ZNF786: variants seen among roughly 807,000 people sequenced by gnomAD.
The protein encoded by ZNF786 is zinc finger protein 786.
ZNF786 carries 56 observed loss-of-function variants against 63.1 expected under a neutral mutation model. That is an observed-to-expected ratio of 0.89 (90% CI 0.72 to 1.11). The LOEUF is 1.11. ZNF786 is among the 50% of genes least tolerant of loss of function. ZNF786 has a pLI of 0.00. For missense variants in ZNF786, 1,213 were observed against 1,041.8 expected, an observed-to-expected ratio of 1.16 and a Z score of -2.26; for synonymous variants, 485 against 406.9, an observed-to-expected ratio of 1.19 and a Z score of -2.31.
intron 1 of ZNF786, among the ~76,000 whole-genome samples, chr7:149,089,258 A>G (rs1002460866): frequency 1.3e-5 from 2 of 151,124 alleles, no homozygotes; most frequent in Non-Finnish European, 2.9e-5. Flanking sequence ...GGCCCTGTTG[A>G]TCATATATGT....
intron 1 of ZNF786, 64 bp from the exon 2 acceptor site, chr7:149,080,781 C>T: frequency 1.3e-6 from 2 of 1,523,838 alleles, no homozygotes; most frequent in Non-Finnish European, 1.8e-6. Context: ...AGCTCCTTCT[C>T]CTTGTTAATT....
intron 1 of ZNF786, among the ~76,000 whole-genome samples, chr7:149,083,092 T>A (rs569893589): frequency 6.6e-6 from 1 of 152,212 alleles, no homozygotes; most frequent in African/African-American, 2.4e-5. Flanking sequence ...GAGATGGGGT[T>A]TCACCATGTT....
rs1563137714 is a variant in ZNF786 at position 149,074,379 on chromosome 7, T to C, written c.298+7A>G. 1.9e-6 allele frequency: 3 copies of C among 1,613,572 alleles called. No homozygotes were observed. The highest frequency in any genetic ancestry group is 2.7e-5 in the African/African-American group (2 of 75,032). ...CAAGGTCGGGGCCCTGATTTCTTAA[T>C]ACTCACCCCAAAACAGCTGTTCCTC... On this transcript the variant is annotated splice_region_variant and intron_variant, in intron 3 of 3. Transcript: ENST00000491431.
rs746486496 is a variant in ZNF786 at position 149,080,579 on chromosome 7, A to G, written c.145+12T>C. 1.3e-5 allele frequency: 21 copies of G among 1,580,420 alleles called. No individual in the cohort carries two copies. The highest frequency in any genetic ancestry group is 1.8e-5 in the Non-Finnish European group (21 of 1,168,430). ...GTTCCATGACCTACCCACAAAGGTG[A>G]ACAGGTCTTACCTAGAGAGACGAGA... On this transcript the variant is annotated intron_variant, in intron 2 of 3. Transcript: ENST00000491431.
At chr7:149,072,623 T>C (rs1825452464) in intron 3 of ZNF786, 150 bp from the exon 4 acceptor site, 2 of 882,472 alleles carry the variant, frequency 2.3e-6, no homozygotes, top group South Asian at 3.7e-5. Flanking sequence ...ATCTGTCTCA[T>C]GGCCGTGAGT....
chr7:149,085,947 T>C (rs1352067161), intron 1 of ZNF786, among the ~76,000 whole-genome samples: 3 of 152,194 alleles, frequency 2.0e-5, no homozygotes, highest in East Asian at 3.9e-4. Context: ...TCTCAGACTT[T>C]GCTGAAGTTG....
chr7:149,086,922 T>C lies in ZNF786; in HGVS notation c.18+3701A>G, dbSNP rs1825748748. 2.6e-5 allele frequency among the ~76,000 whole-genome samples: 4 copies of C among 151,738 alleles called. No individual in the cohort carries two copies. The South Asian group carries it at 8.3e-4, about 32-fold the overall frequency. On this transcript the variant is annotated intron_variant, in intron 1 of 3. Coordinates refer to ENST00000491431, the MANE Select transcript of ZNF786 (RefSeq NM_152411.4). ...ATGCAGTGGCACGATCTCAGCTCAC[T>C]GCAGCCTCCACCTCCCAGGTTCAAG...
chr7:149,072,189 T>C lies in ZNF786; in HGVS notation c.583A>G (p.Ser195Gly). The change falls in exon 4 of 4, where the codon AGC becomes GGC. Residue 195 changes from serine (S) to glycine (G), a missense_variant. By Grantham distance (56) the Ser-to-Gly change is moderately conservative. Transcript: ENST00000491431. ...ACTAAATGGTTGTTCTCCCAACAGCTTTCCCCGCAGACAGGCCAAGGGTGC... is the reference window on the plus strand; with the variant it reads ...ACTAAATGGTTGTTCTCCCAACAGCCTTCCCCGCAGACAGGCCAAGGGTGC... ...TQHPWPVCGE[S>G]CWENNHLVMH... The C allele has an allele frequency of 1.2e-6, 2 of 1,613,482 alleles. No homozygotes were observed. Among genetic ancestry groups the C allele is most frequent in the South Asian group, 1.1e-5 (1 of 90,974 alleles).
rs1156382879 is a variant in ZNF786 at position 149,070,816 on chromosome 7, C to T, written c.1956G>A (p.Glu652=). The T allele has an allele frequency of 1.2e-6, 2 of 1,613,746 alleles. No homozygotes were observed. Among genetic ancestry groups the T allele is most frequent in the African/African-American group, 1.3e-5 (1 of 74,950 alleles). The change falls in exon 4 of 4, where the codon GAG becomes GAA. Residue 652 remains glutamate, a synonymous_variant. Transcript: ENST00000491431. ...AGTGTTTCACAAAGCCCTTGCCGCA[C>T]TCACAGGAGAAAGGCATCTCCCCGC... ...LHSGEMPFSC[E]CGKGFVKHSK... is the part of the protein sequence containing the mutation.
intron 2 of ZNF786, among the ~76,000 whole-genome samples, chr7:149,076,009 C>T (rs748998982): frequency 6.6e-6 from 1 of 151,894 alleles, no homozygotes; most frequent in Non-Finnish European, 1.5e-5. Context: ...GTTTAAGCCC[C>T]TGTATATCCC....
Position 149,071,050 on chromosome 7 carries a change from G to A in ZNF786, c.1722C>T (p.Phe574=), listed in dbSNP as rs1299553728. 1.2e-6 allele frequency: 2 copies of A among 1,611,828 alleles called. No individual in the cohort carries two copies. Among genetic ancestry groups the A allele is most frequent in the African/African-American group, 1.3e-5 (1 of 74,678 alleles). Reference sequence around the variant, plus strand: ...GCTCCGTGAGCTTGGATTGTCTGGTGAAGCCCTTGCCACACTCCCCGCACG... The same window carrying A: ...GCTCCGTGAGCTTGGATTGTCTGGTAAAGCCCTTGCCACACTCCCCGCACG... The part of the protein sequence containing the change: ...PFSCGECGKG[F]TRQSKLTEHL... Residue 574 remains phenylalanine (F), a synonymous_variant, in exon 4 of 4, where the codon TTC becomes TTT. Coordinates refer to ENST00000491431, the MANE Select transcript of ZNF786 (RefSeq NM_152411.4).
At position 149,071,931 on chromosome 7, in the gene ZNF786, G is replaced by A; in HGVS notation, c.841C>T (p.Leu281=). Reference sequence around the variant, plus strand: ...GGGAGGCGGTGGCTGGGATGGGTCAGCTCGTGTCGGAAGCACATTTCACCG... The same window carrying A: ...GGGAGGCGGTGGCTGGGATGGGTCAACTCGTGTCGGAAGCACATTTCACCG... ...ADGEMCFRHE[L]THPSHRLPQQ... Residue 281 remains leucine, a synonymous_variant, in exon 4 of 4, where the codon CTG becomes TTG. Transcript: ENST00000491431. The A allele has an allele frequency of 1.9e-6, 3 of 1,609,728 alleles. No individual in the cohort carries two copies. Among genetic ancestry groups the A allele is most frequent in the Non-Finnish European group, 2.5e-6 (3 of 1,179,144 alleles).
Position 149,070,296 on chromosome 7 carries a change from C to A in ZNF786, c.*127G>T. 8.2e-7 allele frequency: 1 copy of A among 1,212,842 alleles called. No homozygotes were observed. The highest frequency in any genetic ancestry group is 1.2e-6 in the Non-Finnish European group (1 of 865,954). 75.1% of individuals were successfully genotyped at this position (1,212,842 alleles called of 1,614,324 possible). On this transcript the variant is annotated 3_prime_UTR_variant, in exon 4 of 4. Coordinates refer to ENST00000491431, the MANE Select transcript of ZNF786 (RefSeq NM_152411.4). Reference sequence around the variant, plus strand: ...TGTGGTTCTTCATATTCCTAACTTGCATGACACTCTTGCTCAAAGAAGGAT... The same window carrying A: ...TGTGGTTCTTCATATTCCTAACTTGAATGACACTCTTGCTCAAAGAAGGAT...
rs1444359702 is a variant in ZNF786, at chr7:149,070,230, AAAG to A, written c.*190_*192del. The stretch of plus-strand genomic sequence containing the variant: ...CATCTTGGAAAAAAAAAAAAAAAAG[AAAG>A]AAATATAATTGGTGATGCTTCTGAA... On this transcript the variant is annotated 3_prime_UTR_variant, in exon 4 of 4. Coordinates refer to ENST00000491431, the MANE Select transcript of ZNF786 (RefSeq NM_152411.4). 1 of 690,396 alleles carries A rather than the reference AAAG, an allele frequency of 1.4e-6. No homozygotes were observed. The highest frequency in any genetic ancestry group is 3.2e-5 in the Admixed American group (1 of 31,374). The allele number at this position is 690,396 out of a possible 1,614,324, so 42.8% of individuals were successfully genotyped here. A position where few individuals can be genotyped will look rare whatever the true frequency, so the allele number is the denominator to read the frequency against.
intron 2 of ZNF786, among the ~76,000 whole-genome samples, chr7:149,076,564 C>A (rs1170973202): frequency 1.3e-5 from 2 of 151,126 alleles, no homozygotes; most frequent in Non-Finnish European, 3.0e-5. Context: ...TCATCTAATA[C>A]AAAAGTTAGC....
chr7:149,071,405 GC>G lies in ZNF786; in HGVS notation c.1366del (p.Ala456ProfsTer33). 1 of 1,612,924 alleles carries G rather than the reference GC, an allele frequency of 6.2e-7. No homozygotes were observed. The highest frequency in any genetic ancestry group is 8.5e-7 in the Non-Finnish European group (1 of 1,179,704). On this transcript the variant is annotated frameshift_variant, in exon 4 of 4. Transcript: ENST00000491431. LOFTEE classifies it high-confidence loss of function. ...VHSGEKPFRC[A>X]KCGRNFRQRG... The stretch of plus-strand genomic sequence containing the variant: ...CTGACGGAAGTTCCTGCCACACTTG[GC>G]ACACCGGAAAGGCTTCTCTCCGCTG...
At position 149,080,709 on chromosome 7, in the gene ZNF786, C is replaced by T; in HGVS notation, c.27G>A (p.Leu9=). The change falls in exon 2 of 4, where the codon CTG becomes CTA. Residue 9 remains leucine, a synonymous_variant. Transcript: ENST00000491431. The part of the protein sequence containing the change: MAEPPRLP[L]TFEDVAIYFS... ...AATAAATAGCAACATCCTCAAAAGTCAGAGGTAGCTGAAATTGTAGACATA... is the reference window on the plus strand; with the variant it reads ...AATAAATAGCAACATCCTCAAAAGTTAGAGGTAGCTGAAATTGTAGACATA... The T allele has an allele frequency of 6.2e-7, 1 of 1,604,880 alleles. No individual in the cohort carries two copies. The highest frequency in any genetic ancestry group is 8.5e-7 in the Non-Finnish European group (1 of 1,177,426).
chr7:149,071,723 C>T lies in ZNF786; in HGVS notation c.1049G>A (p.Gly350Glu), dbSNP rs552084499. The change falls in exon 4 of 4, where the codon GGG (glycine) becomes GAG (glutamate). Residue 350 changes from glycine to glutamate, a missense_variant. By Grantham distance (98) the Gly-to-Glu change is moderately conservative. Transcript: ENST00000491431. ...QKPGSRLPQE[G>E]NSHQEGDTEA... is the part of the protein sequence containing the mutation. ...CGTGTCCCCTTCCTGGTGGCTGTTC[C>T]CCTCCTGGGGCAGGCGCGAGCCTGG... The T allele has an allele frequency of 2.1e-5, 34 of 1,583,852 alleles. No individual in the cohort carries two copies. Among genetic ancestry groups the T allele is most frequent in the East Asian group, 2.0e-4 (9 of 44,102 alleles).
intron 3 of ZNF786, among the ~76,000 whole-genome samples, chr7:149,073,747 G>GTGTATT: frequency 1.3e-5 from 1 of 77,570 alleles, no homozygotes; most frequent in African/African-American, 4.6e-5. Flanking sequence ...GTGTGTGTGT[G>GTGTATT]TATATATATA....
Sources: allele counts gnomAD v4.1 joint callset (sites outside exome capture counted in the v4.1 genomes callset), GRCh38; gene constraint gnomAD v4.1.1; transcripts MANE v1.5; gene names NCBI Gene and HGNC (gene_info 2026-07-23, HGNC 2026-07-21).